The following AKAP4 variants were observed in gnomAD, a reference collection of about 807,000 sequenced individuals.
The protein encoded by AKAP4 is A-kinase anchoring protein 4.
In AKAP4, 4 loss-of-function variants were observed where a neutral mutation model predicts 42.6. That is an observed-to-expected ratio of 0.09 (90% CI 0.05 to 0.22). The LOEUF (loss-of-function observed/expected upper bound fraction) is 0.22. Ranked by LOEUF, AKAP4 falls within the 10% of genes least tolerant of loss-of-function variation. AKAP4 has a pLI of 1.00. For missense variants in AKAP4, 551 were observed against 630.7 expected (o/e 0.87, Z 1.35); for synonymous variants, 223 against 233.0 (o/e 0.96, Z 0.39).
chrX:50,198,609 A>G, intron 2 of AKAP4, 48 bp downstream of exon 2: 1 of 1,001,738 alleles, frequency 1.0e-6, no homozygotes, highest in Non-Finnish European at 1.4e-6. Context: ...ATCTATACCC[A>G]TATGCCAATT....
intron 5 of AKAP4, 142 bp from the exon 6 acceptor site, chrX:50,191,257 T>C (rs1935105312): frequency 3.2e-6 from 2 of 623,379 alleles, no homozygotes. Context: ...ATTCTAGGAT[T>C]AGGGTACAGC....
intron 3 of AKAP4, 48 bp from the exon 4 acceptor site, chrX:50,197,040 T>C: frequency 1.1e-6 from 1 of 919,029 alleles, no homozygotes; most frequent in Non-Finnish European, 1.6e-6. Context: ...TTTGGATATT[T>C]CTCCAAGCTG....
At chrX:50,195,330 G>A (rs1031852406) in intron 4 of AKAP4, among the ~76,000 whole-genome samples, 2 of 111,907 alleles carry the variant, frequency 1.8e-5, no homozygotes, top group Non-Finnish European at 3.8e-5. Flanking sequence ...GTGAGTAGGT[G>A]TGTTATTGCA....
At chrX:50,192,239 T>C (rs1935122231) in intron 5 of AKAP4, 65 bp downstream of exon 5, 1 of 962,148 alleles carries the variant, frequency 1.0e-6, no homozygotes, top group Non-Finnish European at 1.4e-6. Context: ...GGGCTCTAAG[T>C]ACAATGCTGC....
chrX:50,191,353 A>G (rs1557203561), intron 5 of AKAP4, among the ~76,000 whole-genome samples: 4 of 111,321 alleles, frequency 3.6e-5, no homozygotes, highest in Non-Finnish European at 3.8e-5. Flanking sequence ...AAAATGCCAA[A>G]GATACTTTCT....
chrX:50,197,098 T>C, intron 3 of AKAP4, 106 bp from the exon 4 acceptor site: 1 of 563,491 alleles, frequency 1.8e-6, no homozygotes, highest in Non-Finnish European at 2.9e-6. Flanking sequence ...ACTTCTTTTA[T>C]CTTTTTTCTT....
rs1557203941 is a variant in AKAP4 at position 50,193,352 on chromosome X, C to A, written c.1361G>T (p.Gly454Val). The A allele has an allele frequency of 8.3e-7, 1 of 1,211,290 alleles. No individual in the cohort carries two copies. Among genetic ancestry groups the A allele is most frequent in the South Asian group, 1.8e-5 (1 of 56,957 alleles). ...QSLSYASLKA[G>V]SHDPKCRNQS... Reference sequence around the variant, plus strand: ...ATTCCTGCATTTGGGATCATGGGACCCAGCTTTTAAAGATGCATATGACAG... The same window carrying A: ...ATTCCTGCATTTGGGATCATGGGACACAGCTTTTAAAGATGCATATGACAG... The change falls in exon 5 of 6, where the codon GGG (glycine) becomes GTG (valine). Residue 454 changes from glycine to valine, a missense_variant. Physicochemically the swap from Gly to Val is moderately radical, Grantham distance 109 (BLOSUM62 -3). Transcript: ENST00000358526.
chrX:50,198,319 G>A (rs1935216443), intron 2 of AKAP4, among the ~76,000 whole-genome samples: 1 of 110,941 alleles, frequency 9.0e-6, no homozygotes, highest in African/African-American at 3.3e-5. Context: ...TTGCCCTCCT[G>A]AGGGGTCCTA....
chrX:50,198,612 T>C, intron 2 of AKAP4, 45 bp downstream of exon 2: 1 of 1,031,847 alleles, frequency 9.7e-7, no homozygotes, highest in Non-Finnish European at 1.4e-6. Flanking sequence ...TATACCCATA[T>C]GCCAATTTTT....
chrX:50,200,704 T>C (rs1935253949), intron 1 of AKAP4, among the ~76,000 whole-genome samples, 159 bp downstream of exon 1: 1 of 112,019 alleles, frequency 8.9e-6, no homozygotes, highest in African/African-American at 3.2e-5. Flanking sequence ...ATCTTTAGAT[T>C]TACGTAGAAA....
At chrX:50,200,432 G>A (rs1428971534) in intron 1 of AKAP4, 7 of 716,357 alleles carry the variant, frequency 9.8e-6, no homozygotes, top group Non-Finnish European at 1.2e-5. Context: ...GAGTTTGTTG[G>A]GTCACAATGC....
rs1935124839 is a variant in AKAP4 at position 50,192,449 on chromosome X, A to G, written c.2264T>C (p.Leu755Pro). Reference protein sequence around the residue: ...GAMPQNYQDSLGHEVIVNNQC... With the variant: ...GAMPQNYQDSPGHEVIVNNQC... ...ATTATTGACAATTACTTCATGTCCA[A>G]GAGAGTCTTGATAGTTCTGTGGCAT... The change falls in exon 5 of 6, where the codon CTT becomes CCT. Residue 755 changes from leucine (L) to proline (P), a missense_variant. Transcript: ENST00000358526. 8.3e-7 allele frequency: 1 copy of G among 1,208,790 alleles called. No homozygotes were observed. Among genetic ancestry groups the G allele is most frequent in the Non-Finnish European group, 1.1e-6 (1 of 893,928 alleles).
At chrX:50,200,827 C>G (rs372690134) in intron 1 of AKAP4, 36 bp downstream of exon 1, 774 of 1,185,985 alleles carry the variant, frequency 6.5e-4, no homozygotes, top group Non-Finnish European at 8.2e-4. Context: ...TTAAGATGCC[C>G]CCTTAGCTAG....
At position 50,194,084 on chromosome X, in the gene AKAP4, C is replaced by T. The variant is rs1344178032; in HGVS notation, c.629G>A (p.Gly210Glu). The change falls in exon 5 of 6, where the codon GGA becomes GAA. Residue 210 changes from glycine (G) to glutamate (E), a missense_variant. Gly to Glu is a moderately conservative substitution (Grantham distance 98). Coordinates refer to ENST00000358526, the MANE Select transcript of AKAP4 (RefSeq NM_003886.3). ...GGAAAGGTCATCTATAGAACATTCT[C>T]CATCAGGGGAAATGACTGCTCTCTG... ...STQRAVISPD[G>E]ECSIDDLSFY... 2.5e-6 allele frequency: 3 copies of T among 1,209,743 alleles called. No homozygotes were observed. In the African/African-American group the frequency reaches 5.2e-5, roughly 21 times the overall value.
intron 4 of AKAP4, among the ~76,000 whole-genome samples, chrX:50,196,606 C>G (rs1602168347): frequency 9.0e-6 from 1 of 111,292 alleles, no homozygotes; most frequent in Admixed American, 9.5e-5. Context: ...CCATTACCAG[C>G]CAGCGAAGAA....
rs1935156108 is a variant in AKAP4 at position 50,194,024 on chromosome X, T to G, written c.689A>C (p.Gln230Pro). The G allele has an allele frequency of 8.3e-7, 1 of 1,209,922 alleles. No individual in the cohort carries two copies. Among genetic ancestry groups the G allele is most frequent in the Non-Finnish European group, 1.1e-6 (1 of 895,228 alleles). Residue 230 changes from glutamine (Q) to proline (P), a missense_variant, in exon 5 of 6, where the codon CAG becomes CCG. Gln to Pro is a moderately conservative substitution (Grantham distance 76). Coordinates refer to ENST00000358526, the MANE Select transcript of AKAP4 (RefSeq NM_003886.3). The stretch of plus-strand genomic sequence containing the variant: ...CTCCTTGATTTCCTTATGGGCCATC[T>G]GGATTACCAGAGAAGATAGTCGGTT... ...YVNRLSSLVI[Q>P]MAHKEIKEKL...
chrX:50,198,817 G>C (rs1935224269), intron 1 of AKAP4, 65 bp from the exon 2 acceptor site: 1 of 878,630 alleles, frequency 1.1e-6, no homozygotes. Flanking sequence ...GGGTCAATTT[G>C]GATAAGAATC....
At position 50,200,877 on chromosome X, in the gene AKAP4, A is replaced by T. The variant is rs782340222; in HGVS notation, c.13T>A (p.Ser5Thr). Residue 5 changes from serine (S) to threonine (T), a missense_variant, in exon 1 of 6, where the codon TCT becomes ACT. Transcript: ENST00000358526. ...GATGTCCCTACCATTGTAGTATCAG[A>T]GTACGCCATCATGTAGGACCCTGGA... The part of the protein sequence containing the change: MMAY[S>T]DTTMMSDDID... The T allele has an allele frequency of 1.2e-5, 14 of 1,209,172 alleles. No homozygotes were observed. In the Admixed American group the frequency reaches 3.0e-4, roughly 26 times the overall value.
rs1411917513 is a variant in AKAP4, at chrX:50,194,130, G to C, written c.583C>G (p.Pro195Ala). 2 of 1,210,029 alleles carry C rather than the reference G, an allele frequency of 1.7e-6. No individual in the cohort carries two copies. The highest frequency in any genetic ancestry group is 2.2e-6 in the Non-Finnish European group (2 of 895,290). The change falls in exon 5 of 6, where the codon CCA (proline) becomes GCA (alanine). Residue 195 changes from proline (P) to alanine (A), a missense_variant. By Grantham distance (27) the Pro-to-Ala change is conservative. Transcript: ENST00000358526. ...CTCTGAGTGCTAGGAGGTTTGGCTG[G>C]AGGAGCTGAAGGACTTTGATTATTG... ...TNNNQSPSAP[P>A]AKPPSTQRAV...
Sources: allele counts gnomAD v4.1 joint callset (sites outside exome capture counted in the v4.1 genomes callset), GRCh38; gene constraint gnomAD v4.1.1; transcripts MANE v1.5; gene names NCBI Gene and HGNC (gene_info 2026-07-23, HGNC 2026-07-21).